The following STAG1 variants were observed in gnomAD, a reference collection of about 807,000 sequenced individuals.
STAG1 encodes the protein STAG1 cohesin complex component.
Under a neutral mutation model 170.9 loss-of-function variants are expected in STAG1, and 26 were observed. That is an observed-to-expected ratio of 0.15 (90% CI 0.11 to 0.21). The LOEUF is 0.21. STAG1 is among the 10% of genes least tolerant of loss of function. STAG1 has a pLI of 1.00. For missense variants in STAG1, 964 were observed against 1,509.5 expected (o/e 0.64, Z 5.99); for synonymous variants, 514 against 497.7 (o/e 1.03, Z -0.44).
rs375738588 is a variant in STAG1 at position 136,349,140 on chromosome 3, G to C, written c.3271+18C>G. The C allele has an allele frequency of 2.6e-3, 4,049 of 1,587,452 alleles. 17 individuals are homozygous for C. Among genetic ancestry groups the C allele is most frequent in the South Asian group, 5.3e-3 (482 of 90,448 alleles). ...AAAACCAGGCAAATTGTTTCTTATA[G>C]TGTAAAGGCAGACTTACCTTCTACT... is the stretch of plus-strand genomic sequence containing the variant. On this transcript the variant is annotated intron_variant, in intron 29 of 33. Transcript: ENST00000383202.
At position 136,350,055 on chromosome 3, in the gene STAG1, G is replaced by A. The variant is rs539369059; in HGVS notation, c.3066-692C>T. Among the ~76,000 whole-genome samples, 3 of 152,094 alleles carry A rather than the reference G, an allele frequency of 2.0e-5. No individual in the cohort carries two copies. In the South Asian group the frequency reaches 6.2e-4, roughly 32 times the overall value. On this transcript the variant is annotated intron_variant, in intron 28 of 33. Transcript: ENST00000383202. ...CTCAGGAGGCTGAGGCAGGAGAATC[G>A]CTTGAACCCGGGAGGCGGAGGTTGC...
intron 19 of STAG1, among the ~76,000 whole-genome samples, chr3:136,421,901 AGCACTTTGGG>A (rs1328844976): frequency 6.6e-6 from 1 of 152,154 alleles, no homozygotes; most frequent in Non-Finnish European, 1.5e-5. Context: ...CTGTAATCCC[AGCACTTTGGG>A]AGGCTGAGGT....
At chr3:136,345,175 C>T (rs1384397512) in intron 29 of STAG1, among the ~76,000 whole-genome samples, 2 of 152,070 alleles carry the variant, frequency 1.3e-5, no homozygotes, top group African/African-American at 2.4e-5. Flanking sequence ...CTTCAACCTC[C>T]GCCTCCTAAG....
intron 14 of STAG1, among the ~76,000 whole-genome samples, chr3:136,450,269 A>T (rs2088899456): frequency 6.6e-6 from 1 of 152,172 alleles, no homozygotes; most frequent in Non-Finnish European, 1.5e-5. Context: ...ACTATCTTGG[A>T]GACTGTTAGA....
At chr3:136,441,194 G>C (rs925882000) in intron 15 of STAG1, among the ~76,000 whole-genome samples, 3 of 151,980 alleles carry the variant, frequency 2.0e-5, no homozygotes, top group Non-Finnish European at 2.9e-5. Context: ...CACCAAACCT[G>C]GCTAATTTTT....
At chr3:136,621,417 A>T (rs1939843067) in intron 3 of STAG1, among the ~76,000 whole-genome samples, 1 of 152,200 alleles carries the variant, frequency 6.6e-6, no homozygotes, top group Non-Finnish European at 1.5e-5. Flanking sequence ...TGAGATTGCC[A>T]GGATAGCAAT....
At chr3:136,478,992 A>T (rs1229680869) in intron 9 of STAG1, among the ~76,000 whole-genome samples, 1 of 152,036 alleles carries the variant, frequency 6.6e-6, no homozygotes, top group Non-Finnish European at 1.5e-5. Context: ...CTTAATACAA[A>T]TAGAAGACTT....
rs557086571 is a variant in STAG1, at chr3:136,487,329, A to G, written c.903-9917T>C. Among the ~76,000 whole-genome samples, 13 of 152,280 alleles carry G rather than the reference A, an allele frequency of 8.5e-5. No individual in the cohort carries two copies. In the South Asian group the frequency reaches 2.7e-3, roughly 32 times the overall value. Reference sequence around the variant, plus strand: ...TCATCTCACTCCTTTTTACGGCTGCATGGTATTCCATGGAGTGTATGTACC... The same window carrying G: ...TCATCTCACTCCTTTTTACGGCTGCGTGGTATTCCATGGAGTGTATGTACC... On this transcript the variant is annotated intron_variant, in intron 9 of 33. Coordinates refer to ENST00000383202, the MANE Select transcript of STAG1 (RefSeq NM_005862.3).
chr3:136,426,787 G>A (rs923105007), intron 16 of STAG1, among the ~76,000 whole-genome samples: 6 of 151,996 alleles, frequency 3.9e-5, no homozygotes, highest in African/African-American at 9.7e-5. Flanking sequence ...AAAAAATACC[G>A]GCTGAGCGTG....
chr3:136,673,263 A>C (rs957050950), intron 1 of STAG1, among the ~76,000 whole-genome samples: 3 of 152,250 alleles, frequency 2.0e-5, no homozygotes, highest in African/African-American at 7.2e-5. Context: ...GTTAGACAAC[A>C]GATGGCTAAT....
intron 1 of STAG1, among the ~76,000 whole-genome samples, chr3:136,649,374 G>C (rs1308132285): frequency 6.6e-6 from 1 of 151,932 alleles, no homozygotes; most frequent in African/African-American, 2.4e-5. Flanking sequence ...AGCTACTCTG[G>C]AGGCTGAGGC....
intron 1 of STAG1, among the ~76,000 whole-genome samples, chr3:136,710,599 G>A (rs537472268): frequency 8.6e-5 from 13 of 152,016 alleles, no homozygotes; most frequent in Non-Finnish European, 1.9e-4. Flanking sequence ...ATTTCACTTC[G>A]ATGTTGGTTT....
At chr3:136,640,709 G>A (rs1481110815) in intron 1 of STAG1, among the ~76,000 whole-genome samples, 5 of 140,204 alleles carry the variant, frequency 3.6e-5, no homozygotes, top group African/African-American at 1.1e-4. Flanking sequence ...AGTCTTGCTC[G>A]CCACCCAGGT....
At chr3:136,619,837 G>T (rs977947405) in intron 3 of STAG1, among the ~76,000 whole-genome samples, 2 of 151,596 alleles carry the variant, frequency 1.3e-5, no homozygotes, top group African/African-American at 4.8e-5. Context: ...AGGCTGAGGT[G>T]GGACGATCAG....
intron 21 of STAG1, among the ~76,000 whole-genome samples, chr3:136,416,662 G>C (rs1300171121): frequency 6.6e-6 from 1 of 152,158 alleles, no homozygotes; most frequent in African/African-American, 2.4e-5. Flanking sequence ...GAGAGGATGG[G>C]AAGTTGATGT....
At position 136,545,816 on chromosome 3, in the gene STAG1, A is replaced by G. The variant is rs537898288; in HGVS notation, c.395-3621T>C. ...AGAAATTGCTGTGATTACATCTCCA[A>G]TGATGAGTCTGTCTCTAGATGGCAG... On this transcript the variant is annotated intron_variant, in intron 5 of 33. Coordinates refer to ENST00000383202, the MANE Select transcript of STAG1 (RefSeq NM_005862.3). Among the ~76,000 whole-genome samples, 108 of 152,324 alleles carry G rather than the reference A, an allele frequency of 7.1e-4. 1 individual carries two copies. In the South Asian group the frequency reaches 0.022, roughly 31 times the overall value.
At chr3:136,521,465 T>C (rs1467017899) in intron 6 of STAG1, 48 bp from the exon 7 acceptor site, 2 of 1,552,710 alleles carry the variant, frequency 1.3e-6, no homozygotes, top group Non-Finnish European at 1.8e-6. Context: ...TTACAGAGTT[T>C]GATGAAAGCT....
At chr3:136,514,127 T>C (rs917498408) in intron 7 of STAG1, among the ~76,000 whole-genome samples, 3 of 152,230 alleles carry the variant, frequency 2.0e-5, no homozygotes, top group Non-Finnish European at 4.4e-5. Context: ...TAATTTTATA[T>C]ACACTGAAAA....
At chr3:136,355,178 C>A (rs1174046642) in intron 28 of STAG1, among the ~76,000 whole-genome samples, 1 of 151,404 alleles carries the variant, frequency 6.6e-6, no homozygotes, top group Non-Finnish European at 1.5e-5. Flanking sequence ...CATGGTGAAA[C>A]CCCATCTCTA....
Sources: allele counts gnomAD v4.1 joint callset (sites outside exome capture counted in the v4.1 genomes callset), GRCh38; gene constraint gnomAD v4.1.1; transcripts MANE v1.5; gene names NCBI Gene and HGNC (gene_info 2026-07-23, HGNC 2026-07-21).